Variants in CTNNA2 observed in about 807,000 individuals in gnomAD.
CTNNA2 encodes catenin alpha-2.
Under a neutral mutation model 101.0 loss-of-function variants are expected in CTNNA2, and 42 were observed. The ratio of observed to expected loss-of-function variants is 0.42; its 90% confidence interval spans 0.32 to 0.54. The LOEUF (loss-of-function observed/expected upper bound fraction) is 0.54, where lower values mean the gene tolerates loss of function less well. CTNNA2 is among the 20% of genes least tolerant of loss of function. The pLI is 0.14. For missense variants in CTNNA2, 871 were observed against 1,223.1 expected (o/e 0.71, Z 4.29); for synonymous variants, 450 against 456.4 (o/e 0.99, Z 0.18).
At chr2:79,685,326 A>T (rs184297611) in intron 2 of CTNNA2, among the ~76,000 whole-genome samples, 2 of 152,348 alleles carry the variant, frequency 1.3e-5, no homozygotes, top group Non-Finnish European at 2.9e-5. Flanking sequence ...ATAGATACAT[A>T]TAAGTATCCT....
chr2:79,659,215 CTT>C (rs5832398), intron 2 of CTNNA2, among the ~76,000 whole-genome samples: 11,635 of 135,706 alleles, frequency 0.086, 541 homozygotes, highest in East Asian at 0.22. Flanking sequence ...TCCAGTGCCT[CTT>C]TTTTTTTTTT....
rs375645223 is a variant in CTNNA2, at chr2:80,601,417, C to CTTTTTTTTTTT, written c.2190-2654_2190-2653insTTTTTTTTTTT. Among the ~76,000 whole-genome samples the CTTTTTTTTTTT allele has an allele frequency of 1.8e-3, 171 of 94,086 alleles. 11 individuals are homozygous for CTTTTTTTTTTT. Among genetic ancestry groups the CTTTTTTTTTTT allele is most frequent in the East Asian group, 3.1e-3 (8 of 2,602 alleles). 61.7% of individuals were successfully genotyped at this position (94,086 alleles called of 152,430 possible). On this transcript the variant is annotated intron_variant, in intron 15 of 18. Transcript: ENST00000402739. ...GATTTAATGACTTTTTTCTTTCTTT[C>CTTTTTTTTTTT]TTTCTTTTTTTTTTTTTTTGATGAG...
intron 7 of CTNNA2, among the ~76,000 whole-genome samples, chr2:80,315,871 C>T (rs2149237361): frequency 6.6e-6 from 1 of 152,246 alleles, no homozygotes; most frequent in East Asian, 1.9e-4. Flanking sequence ...CAGTATCATC[C>T]ATAAACACTG....
At chr2:80,273,735 T>A (rs1365739034) in intron 7 of CTNNA2, among the ~76,000 whole-genome samples, 2 of 152,062 alleles carry the variant, frequency 1.3e-5, no homozygotes, top group Non-Finnish European at 2.9e-5. Flanking sequence ...GCAATAGGTA[T>A]CTGTTTGCTT....
chr2:80,005,670 T>G (rs1693286157), intron 7 of CTNNA2, among the ~76,000 whole-genome samples: 1 of 33,744 alleles, frequency 3.0e-5, no homozygotes, highest in African/African-American at 5.0e-5. Context: ...TACTTATAGA[T>G]TTTTTAATTA....
At chr2:79,566,503 C>A (rs2566541) in intron 1 of CTNNA2, among the ~76,000 whole-genome samples, 81,338 of 151,932 alleles carry the variant, frequency 0.54, 22,418 homozygotes, top group South Asian at 0.62. Context: ...GAAGTCAAAT[C>A]TATTGCATAT....
intron 7 of CTNNA2, among the ~76,000 whole-genome samples, chr2:80,236,395 G>C (rs1709551577): frequency 6.6e-6 from 1 of 152,212 alleles, no homozygotes; most frequent in Non-Finnish European, 1.5e-5. Context: ...GTTCTCAAGA[G>C]AGTTGACGTT....
At chr2:79,200,111 G>A (rs1466276854) in intron 2 of CTNNA2, among the ~76,000 whole-genome samples, 1 of 152,036 alleles carries the variant, frequency 6.6e-6, no homozygotes, top group African/African-American at 2.4e-5. Flanking sequence ...ATCAGATTAA[G>A]AAAGTATCCT....
chr2:79,891,363 A>T (rs1043686231), intron 6 of CTNNA2, among the ~76,000 whole-genome samples: 26 of 152,178 alleles, frequency 1.7e-4, no homozygotes, highest in Non-Finnish European at 2.9e-4. Flanking sequence ...GCTCTAATTA[A>T]TTTGAATATA....
intron 3 of CTNNA2, among the ~76,000 whole-genome samples, chr2:79,361,019 A>G (rs1677615723): frequency 6.6e-6 from 1 of 152,170 alleles, no homozygotes; most frequent in African/African-American, 2.4e-5. Flanking sequence ...GGTTTTAAGC[A>G]TGCACAGGCC....
chr2:79,791,350 C>T (rs147186939), intron 3 of CTNNA2, among the ~76,000 whole-genome samples: 24 of 152,150 alleles, frequency 1.6e-4, no homozygotes, highest in African/African-American at 4.8e-4. Context: ...ATGCCTCAAC[C>T]GATCCTTTTT....
chr2:79,325,936 G>C (rs1558627206), intron 3 of CTNNA2, among the ~76,000 whole-genome samples: 1 of 152,174 alleles, frequency 6.6e-6, no homozygotes, highest in Admixed American at 6.5e-5. Context: ...TGTTTAGAGA[G>C]ACCAGTACCT....
Position 79,874,123 on chromosome 2 carries a change from G to T in CTNNA2, c.633G>T (p.Gly211=), listed in dbSNP as rs759955695. Reference sequence around the variant, plus strand: ...GGGATGAGATGGCAGCCGCCCGAGGGGCTCTGAAGAAGAATGCCACAATGC... The same window carrying T: ...GGGATGAGATGGCAGCCGCCCGAGGTGCTCTGAAGAAGAATGCCACAATGC... ...HCRDEMAAAR[G]ALKKNATMLY... is the part of the protein sequence containing the mutation. Residue 211 remains glycine (G), a synonymous_variant, in exon 6 of 19, where the codon GGG becomes GGT. Coordinates refer to ENST00000402739, the MANE Select transcript of CTNNA2 (RefSeq NM_001282597.3). 9 of 1,614,052 alleles carry T rather than the reference G, an allele frequency of 5.6e-6. No homozygotes were observed. The highest frequency in any genetic ancestry group is 7.6e-6 in the Non-Finnish European group (9 of 1,180,030).
chr2:79,965,420 A>G (rs1009810985), intron 7 of CTNNA2, among the ~76,000 whole-genome samples: 1 of 152,218 alleles, frequency 6.6e-6, no homozygotes. Context: ...CTTGAGCTCT[A>G]CCATAAAAAT....
At chr2:79,969,417 A>G (rs1414127012) in intron 7 of CTNNA2, among the ~76,000 whole-genome samples, 1 of 152,248 alleles carries the variant, frequency 6.6e-6, no homozygotes, top group Non-Finnish European at 1.5e-5. Context: ...AGCACTTTGC[A>G]TAAGAACATG....
chr2:80,220,408 A>C (rs1362535380), intron 7 of CTNNA2, among the ~76,000 whole-genome samples: 3 of 152,172 alleles, frequency 2.0e-5, no homozygotes, highest in African/African-American at 7.2e-5. Flanking sequence ...TTTAACAGTA[A>C]GTTGCCTAGT....
intron 1 of CTNNA2, among the ~76,000 whole-genome samples, chr2:79,579,788 A>G (rs1367248688): frequency 1.3e-5 from 2 of 151,920 alleles, no homozygotes. Context: ...CTAATTTTGT[A>G]TTTTTAGTAG....
intron 2 of CTNNA2, among the ~76,000 whole-genome samples, chr2:79,269,512 G>A (rs189549124): frequency 6.6e-6 from 1 of 152,224 alleles, no homozygotes; most frequent in East Asian, 1.9e-4. Flanking sequence ...AATTTCTGAA[G>A]GCATAGCTTT....
At chr2:79,219,642 C>A (rs1223818687) in intron 2 of CTNNA2, among the ~76,000 whole-genome samples, 2 of 152,092 alleles carry the variant, frequency 1.3e-5, no homozygotes, top group South Asian at 4.1e-4. Flanking sequence ...CCTGCAAGCA[C>A]CCTGGAAGTG....
Sources: gnomAD v4.1 joint callset for allele counts (sites outside exome capture counted in the v4.1 genomes callset) on GRCh38, gnomAD v4.1.1 for gene constraint, MANE v1.5 for transcripts, NCBI Gene and HGNC (gene_info 2026-07-23, HGNC 2026-07-21) for gene names.